Variants in KCTD9 observed in about 807,000 individuals in gnomAD.
KCTD9 encodes potassium channel tetramerization domain containing 9, also known as BTB/POZ domain-containing protein KCTD9.
A neutral mutation model predicts 53.3 loss-of-function variants in KCTD9; 17 were observed. That is an observed-to-expected ratio of 0.32 (90% CI 0.22 to 0.48). The LOEUF (loss-of-function observed/expected upper bound fraction) is 0.48, where lower values mean the gene tolerates loss of function less well. KCTD9 is among the 20% of genes least tolerant of loss of function. The pLI is 0.99. For missense variants in KCTD9, 179 were observed against 465.5 expected (o/e 0.38, Z 5.66); for synonymous variants, 128 against 162.7 (o/e 0.79, Z 1.62).
chr8:25,439,283 T>C lies in KCTD9; in HGVS notation c.495A>G (p.Leu165=), dbSNP rs1441228539. ...TGAAAGTCTAAATAAACTCACCCAA[T>C]AAATTAATGCCATCATTTACAATGA... is the stretch of plus-strand genomic sequence containing the variant. ...GQLIVNDGIN[L]LGVLEEARFF... is the part of the protein sequence containing the mutation. Residue 165 remains leucine (L), a synonymous_variant, in exon 6 of 12, where the codon TTA becomes TTG. Coordinates refer to ENST00000221200, the MANE Select transcript of KCTD9 (RefSeq NM_017634.4). The C allele has an allele frequency of 1.3e-6, 2 of 1,589,148 alleles. No individual in the cohort carries two copies. The highest frequency in any genetic ancestry group is 4.5e-5 in the East Asian group (2 of 44,548).
chr8:25,437,847 C>CAAAAAAA (rs59540797), intron 6 of KCTD9, among the ~76,000 whole-genome samples: 21 of 62,536 alleles, frequency 3.4e-4, no homozygotes, highest in African/African-American at 9.2e-4. Context: ...GACCCTGTCT[C>CAAAAAAA]AAAAAAAAAA....
chr8:25,435,593 G>GA (rs1802002177), intron 8 of KCTD9, 81 bp from the exon 9 acceptor site: 1 of 1,288,626 alleles, frequency 7.8e-7, no homozygotes, highest in Non-Finnish European at 1.1e-6. Flanking sequence ...TAACCACCAA[G>GA]TTTTTTTTAG....
chr8:25,440,428 CAA>C (rs773288675), intron 4 of KCTD9, 147 bp downstream of exon 4: 6 of 594,896 alleles, frequency 1.0e-5, no homozygotes, highest in Non-Finnish European at 1.8e-5. Context: ...TTTTTTTCTT[CAA>C]AAAAAGTTAT....
intron 3 of KCTD9, among the ~76,000 whole-genome samples, chr8:25,442,590 C>A (rs924469491): frequency 6.6e-6 from 1 of 152,088 alleles, no homozygotes; most frequent in Non-Finnish European, 1.5e-5. Flanking sequence ...CTCATAGTAT[C>A]TTGGAGAGAA....
intron 1 of KCTD9, among the ~76,000 whole-genome samples, chr8:25,451,000 C>A (rs11778731): frequency 6.6e-6 from 1 of 151,874 alleles, no homozygotes; most frequent in Non-Finnish European, 1.5e-5. Flanking sequence ...TTAGAGAAAA[C>A]AGAATTAAAA....
intron 1 of KCTD9, among the ~76,000 whole-genome samples, chr8:25,449,460 G>GCTTAATA (rs1563249800): frequency 6.6e-6 from 1 of 152,092 alleles, no homozygotes; most frequent in African/African-American, 2.4e-5. Flanking sequence ...CCTGTATTAT[G>GCTTAATA]CTTAATACTT....
intron 1 of KCTD9, among the ~76,000 whole-genome samples, 179 bp downstream of exon 1, chr8:25,458,020 G>C (rs1389555561): frequency 6.6e-6 from 1 of 151,894 alleles, no homozygotes. Context: ...CGGGCACGGG[G>C]GTCCTGAGGG....
At chr8:25,445,798 G>A (rs772349229) in intron 2 of KCTD9, among the ~76,000 whole-genome samples, 17 of 151,616 alleles carry the variant, frequency 1.1e-4, no homozygotes, top group African/African-American at 3.6e-4. Flanking sequence ...ACAAGCAGGC[G>A]CATATAAAAG....
At chr8:25,431,503 A>G (rs943449520) in intron 11 of KCTD9, among the ~76,000 whole-genome samples, 15 of 152,316 alleles carry the variant, frequency 9.8e-5, no homozygotes, top group African/African-American at 3.6e-4. Flanking sequence ...GTAACCTGTT[A>G]GGAGAACAAA....
chr8:25,444,963 T>C (rs11782310), intron 2 of KCTD9, among the ~76,000 whole-genome samples: 43,315 of 152,012 alleles, frequency 0.28, 6,294 homozygotes, highest in East Asian at 0.31. Context: ...TAACCTTCCA[T>C]TGTAGACGTT....
Position 25,453,526 on chromosome 8 carries a change from G to A in KCTD9, c.48+4673C>T, listed in dbSNP as rs13253805. 0.019 allele frequency among the ~76,000 whole-genome samples: 2,889 copies of A among 151,732 alleles called. 174 individuals are homozygous for A. The East Asian group carries it at 0.25, about 13-fold the overall frequency. ...AAAATAGCCAGGTATGGTGGCGGGC[G>A]CCTGTAATCCCACCTACTTGGGAGG... On this transcript the variant is annotated intron_variant, in intron 1 of 11. Coordinates refer to ENST00000221200, the MANE Select transcript of KCTD9 (RefSeq NM_017634.4).
intron 3 of KCTD9, among the ~76,000 whole-genome samples, chr8:25,442,484 T>G (rs1055201584): frequency 3.9e-5 from 6 of 152,184 alleles, no homozygotes; most frequent in African/African-American, 1.2e-4. Context: ...AGTTTATAAT[T>G]TAATAAGCTT....
rs1458302182 is a variant in KCTD9 at position 25,429,442 on chromosome 8, G to C, written c.*415C>G. The C allele has an allele frequency of 6.3e-6, 1 of 157,588 alleles. No individual in the cohort carries two copies. Among genetic ancestry groups the C allele is most frequent in the East Asian group, 1.9e-4 (1 of 5,276 alleles). 9.8% of individuals were successfully genotyped at this position (157,588 alleles called of 1,614,324 possible). A position where few individuals can be genotyped will look rare whatever the true frequency, so the allele number is the denominator to read the frequency against. ...TTTTAACAATTTAAATATCCATACTGCATCTAGGAATTCAATAAATATAAT... is the reference window on the plus strand; with the variant it reads ...TTTTAACAATTTAAATATCCATACTCCATCTAGGAATTCAATAAATATAAT... On this transcript the variant is annotated 3_prime_UTR_variant, in exon 12 of 12. Transcript: ENST00000221200.
intron 1 of KCTD9, among the ~76,000 whole-genome samples, chr8:25,448,507 T>C (rs1233172961): frequency 6.6e-6 from 1 of 152,200 alleles, no homozygotes; most frequent in Admixed American, 6.5e-5. Flanking sequence ...GAATTACACA[T>C]TTAAAAAATG....
At chr8:25,457,107 G>C (rs776403944) in intron 1 of KCTD9, among the ~76,000 whole-genome samples, 1 of 152,130 alleles carries the variant, frequency 6.6e-6, no homozygotes, top group Non-Finnish European at 1.5e-5. Flanking sequence ...AAGACCAAAA[G>C]AACATAAAAT....
At chr8:25,456,711 G>C (rs940991932) in intron 1 of KCTD9, among the ~76,000 whole-genome samples, 1 of 151,742 alleles carries the variant, frequency 6.6e-6, no homozygotes, top group Non-Finnish European at 1.5e-5. Flanking sequence ...AAAAAAATCC[G>C]TGTGAACAAC....
chr8:25,445,339 C>A (rs569451508), intron 2 of KCTD9, among the ~76,000 whole-genome samples: 1 of 152,198 alleles, frequency 6.6e-6, no homozygotes, highest in South Asian at 2.1e-4. Context: ...AACTGATTAA[C>A]TGCAAAGCAG....
intron 7 of KCTD9, 35 bp from the exon 8 acceptor site, chr8:25,436,365 T>C (rs771870220): frequency 2.1e-5 from 34 of 1,594,248 alleles, no homozygotes; most frequent in Non-Finnish European, 2.9e-5. Flanking sequence ...GTGGAGTCTT[T>C]TGGGAGATAG....
At chr8:25,440,347 C>A (rs539638731) in intron 4 of KCTD9, among the ~76,000 whole-genome samples, 1 of 152,188 alleles carries the variant, frequency 6.6e-6, no homozygotes, top group South Asian at 2.1e-4. Flanking sequence ...CGTGAGCCAC[C>A]GCGCCCAGCC....
Sources: gnomAD v4.1 joint callset for allele counts (sites outside exome capture counted in the v4.1 genomes callset) on GRCh38, gnomAD v4.1.1 for gene constraint, MANE v1.5 for transcripts, NCBI Gene and HGNC (gene_info 2026-07-23, HGNC 2026-07-21) for gene names.